The following SELENOF variants were observed in gnomAD, a reference collection of about 807,000 sequenced individuals.
The protein encoded by SELENOF is selenoprotein F.
SELENOF carries 16 observed loss-of-function variants against 20.5 expected under a neutral mutation model. That is an observed-to-expected ratio of 0.78 (90% confidence interval 0.53 to 1.19). The LOEUF (loss-of-function observed/expected upper bound fraction) is 1.19. Among genes scored for constraint, SELENOF ranks in the 50% most tolerant of loss-of-function variants. SELENOF has a pLI of 0.00. For missense variants in SELENOF, 215 were observed against 194.2 expected, an observed-to-expected ratio of 1.11 and a Z score of -0.64; for synonymous variants, 78 against 74.5, an observed-to-expected ratio of 1.05 and a Z score of -0.24.
chr1:86,904,735 T>G (rs1211521850), intron 1 of SELENOF, among the ~76,000 whole-genome samples: 2 of 152,130 alleles, frequency 1.3e-5, no homozygotes, highest in Admixed American at 6.6e-5. Context: ...TCCACAAAAT[T>G]TGCCCAAAAT....
At chr1:86,887,360 T>C (rs745725046) in intron 2 of SELENOF, among the ~76,000 whole-genome samples, 1 of 152,200 alleles carries the variant, frequency 6.6e-6, no homozygotes, top group Non-Finnish European at 1.5e-5. Flanking sequence ...CTAAGGAAAC[T>C]CACTAAGTTT....
intron 3 of SELENOF, among the ~76,000 whole-genome samples, chr1:86,872,549 T>G (rs1557455038): frequency 6.6e-6 from 1 of 151,914 alleles, no homozygotes. Context: ...TTTTTTTTTT[T>G]TTTGTATTTT....
rs916687111 is a variant in SELENOF at position 86,862,854 on chromosome 1, T to C, written c.*620A>G. On this transcript the variant is annotated 3_prime_UTR_variant, in exon 5 of 5. Transcript: ENST00000331835. ...TCCACACAAATCCCTAGAAAGGTTT[T>C]CTGTGTAGTCTTCATTAACGCAAAT... 2.0e-5 allele frequency: 3 copies of C among 152,660 alleles called. No individual in the cohort carries two copies. Among genetic ancestry groups the C allele is most frequent in the Admixed American group, 1.3e-4 (2 of 15,294 alleles). 9.5% of individuals were successfully genotyped at this position (152,660 alleles called of 1,614,324 possible).
intron 3 of SELENOF, among the ~76,000 whole-genome samples, chr1:86,876,273 T>C (rs765184199): frequency 4.6e-5 from 7 of 152,196 alleles, no homozygotes; most frequent in Non-Finnish European, 1.0e-4. Flanking sequence ...ATCATGATTC[T>C]TGTGTTTCAT....
intron 3 of SELENOF, among the ~76,000 whole-genome samples, chr1:86,869,621 T>C (rs944448305): frequency 6.6e-6 from 1 of 152,136 alleles, no homozygotes. Context: ...GTTTTGGTTG[T>C]TATCAATCTA....
rs377045272 is a variant in SELENOF, at chr1:86,863,481, C to T, written c.491G>A (p.Arg164His). ...ACAAAATTTAAGCAAGATTTATATGCGTTCCAACTTTTCACTCAGGAATTC... is the reference window on the plus strand; with the variant it reads ...ACAAAATTTAAGCAAGATTTATATGTGTTCCAACTTTTCACTCAGGAATTC... ...VEEFLSEKLE[R>H]I The change falls in exon 5 of 5, where the codon CGC (arginine) becomes CAC (histidine). Residue 164 changes from arginine to histidine, a missense_variant. Coordinates refer to ENST00000331835, the MANE Select transcript of SELENOF (RefSeq NM_004261.5). The T allele has an allele frequency of 2.3e-4, 365 of 1,610,794 alleles. No individual in the cohort carries two copies. The highest frequency in any genetic ancestry group is 2.8e-4 in the Non-Finnish European group (328 of 1,178,660).
At chr1:86,875,945 C>A (rs189117998) in intron 3 of SELENOF, among the ~76,000 whole-genome samples, 48 of 152,080 alleles carry the variant, frequency 3.2e-4, no homozygotes, top group Admixed American at 1.6e-3. Context: ...AGATGTGAAT[C>A]TAGAAGAGAA....
chr1:86,891,817 C>T (rs374410318), intron 2 of SELENOF, among the ~76,000 whole-genome samples: 1 of 151,880 alleles, frequency 6.6e-6, no homozygotes, highest in East Asian at 1.9e-4. Context: ...ATGGAATTTA[C>T]CGAGTTGTTG....
At chr1:86,879,414 A>T (rs1280770174) in intron 3 of SELENOF, among the ~76,000 whole-genome samples, 1 of 152,232 alleles carries the variant, frequency 6.6e-6, no homozygotes, top group African/African-American at 2.4e-5. Context: ...TTGATTAGAT[A>T]TGTATCTGCT....
intron 3 of SELENOF, among the ~76,000 whole-genome samples, chr1:86,878,958 A>G (rs1658992669): frequency 6.6e-6 from 1 of 152,202 alleles, no homozygotes; most frequent in Admixed American, 6.5e-5. Context: ...AAATATTTAC[A>G]CAAAGCATTA....
intron 1 of SELENOF, among the ~76,000 whole-genome samples, chr1:86,913,467 A>G (rs1444824112): frequency 6.6e-6 from 1 of 152,264 alleles, no homozygotes; most frequent in Non-Finnish European, 1.5e-5. Context: ...TTTGGTATAG[A>G]TAACTCCTTT....
intron 3 of SELENOF, 47 bp from the exon 4 acceptor site, chr1:86,868,149 A>G (rs752111330): frequency 1.1e-6 from 1 of 894,392 alleles, no homozygotes; most frequent in South Asian, 1.6e-5. Flanking sequence ...TCCAAATCCA[A>G]GCTAGCTAAA....
intron 2 of SELENOF, among the ~76,000 whole-genome samples, chr1:86,892,441 C>A (rs1659414577): frequency 6.6e-6 from 1 of 152,294 alleles, no homozygotes; most frequent in East Asian, 1.9e-4. Flanking sequence ...AGACACACGA[C>A]AAAAGTGAAG....
intron 2 of SELENOF, among the ~76,000 whole-genome samples, chr1:86,889,065 A>G (rs1224799944): frequency 2.6e-5 from 4 of 152,218 alleles, no homozygotes; most frequent in African/African-American, 9.6e-5. Flanking sequence ...CTTTAAAAAG[A>G]TACAAAAATA....
chr1:86,881,789 C>T (rs1048693892), intron 2 of SELENOF, among the ~76,000 whole-genome samples: 1 of 152,118 alleles, frequency 6.6e-6, no homozygotes, highest in African/African-American at 2.4e-5. Context: ...TGGATCAATT[C>T]TTACGTTTTT....
chr1:86,864,181 C>T (rs1658535726), intron 4 of SELENOF, among the ~76,000 whole-genome samples: 1 of 152,176 alleles, frequency 6.6e-6, no homozygotes, highest in Admixed American at 6.5e-5. Flanking sequence ...GACACAGAAT[C>T]AATCACATAC....
intron 3 of SELENOF, among the ~76,000 whole-genome samples, chr1:86,873,442 G>A (rs1025813417): frequency 4.6e-5 from 7 of 152,214 alleles, no homozygotes; most frequent in African/African-American, 1.7e-4. Context: ...CTTTCTAATA[G>A]AACTTTCTGA....
intron 2 of SELENOF, among the ~76,000 whole-genome samples, chr1:86,882,267 A>AAAAAG (rs1659094388): frequency 6.6e-6 from 1 of 150,786 alleles, no homozygotes; most frequent in Non-Finnish European, 1.5e-5. Flanking sequence ...AAAAAAAAAA[A>AAAAAG]AAAAGAAAGA....
At chr1:86,873,014 T>C (rs1658820189) in intron 3 of SELENOF, among the ~76,000 whole-genome samples, 1 of 151,424 alleles carries the variant, frequency 6.6e-6, no homozygotes, top group Admixed American at 6.6e-5. Flanking sequence ...GCCACTGCAC[T>C]CCAGCCTGGG....
Sources: allele counts gnomAD v4.1 joint callset (sites outside exome capture counted in the v4.1 genomes callset), GRCh38; gene constraint gnomAD v4.1.1; transcripts MANE v1.5; gene names NCBI Gene and HGNC (gene_info 2026-07-23, HGNC 2026-07-21).